Variants in SBF2 observed in about 807,000 individuals in gnomAD.
SBF2 encodes myotubularin-related protein 13.
Under a neutral mutation model 225.2 loss-of-function variants are expected in SBF2, and 112 were observed. The ratio of observed to expected loss-of-function variants is 0.50; its 90% confidence interval spans 0.43 to 0.58. The LOEUF is 0.58. SBF2 is among the 20% of genes least tolerant of loss of function. The pLI, the probability that SBF2 is intolerant of heterozygous loss-of-function variation, is 0.00. For missense variants in SBF2, 1,996 were observed against 2,206.2 expected (o/e 0.90, Z 1.91); for synonymous variants, 763 against 773.3 (o/e 0.99, Z 0.22).
rs547079627 is a variant in SBF2, at chr11:9,971,553, C to T, written c.1396-3008G>A. Among the ~76,000 whole-genome samples the T allele has an allele frequency of 2.0e-5, 3 of 152,182 alleles. No individual in the cohort carries two copies. The South Asian group carries it at 6.2e-4, about 32-fold the overall frequency. ...AATTAGCCAGGCATGGTGGTGCCTG[C>T]CCATGGTCCCAGCTACTCAGGGGAC... On this transcript the variant is annotated intron_variant, in intron 13 of 39. Transcript: ENST00000256190.
At chr11:10,178,216 G>A (rs545548195) in intron 2 of SBF2, among the ~76,000 whole-genome samples, 7 of 148,340 alleles carry the variant, frequency 4.7e-5, no homozygotes, top group South Asian at 4.3e-4. Context: ...AGACTTAAAC[G>A]TTAGACCTAA....
intron 2 of SBF2, among the ~76,000 whole-genome samples, chr11:10,103,683 T>C (rs1386084809): frequency 6.6e-6 from 1 of 152,214 alleles, no homozygotes; most frequent in East Asian, 1.9e-4. Context: ...ACTTTGAAGA[T>C]GGCAACAGTA....
intron 6 of SBF2, among the ~76,000 whole-genome samples, chr11:10,020,176 T>C (rs925954301): frequency 6.6e-6 from 1 of 152,116 alleles, no homozygotes; most frequent in African/African-American, 2.4e-5. Flanking sequence ...AAATTGGTGA[T>C]CGGCAGCTTC....
At chr11:10,002,432 T>C in intron 7 of SBF2, 125 bp downstream of exon 7, 2 of 785,250 alleles carry the variant, frequency 2.5e-6, no homozygotes, top group East Asian at 5.4e-5. Flanking sequence ...ATGACTCATA[T>C]AACAGCATAA....
chr11:9,880,549 A>G (rs1396458444), intron 17 of SBF2, among the ~76,000 whole-genome samples: 1 of 152,108 alleles, frequency 6.6e-6, no homozygotes, highest in Non-Finnish European at 1.5e-5. Context: ...TGGATCTCTA[A>G]GTACCCTCAT....
chr11:10,153,900 C>T (rs1955342343), intron 2 of SBF2, among the ~76,000 whole-genome samples: 1 of 152,000 alleles, frequency 6.6e-6, no homozygotes, highest in African/African-American at 2.4e-5. Flanking sequence ...AGTTATTCTG[C>T]ACCATTTGTT....
chr11:10,024,080 G>A (rs999523119), intron 6 of SBF2, among the ~76,000 whole-genome samples: 1 of 151,986 alleles, frequency 6.6e-6, no homozygotes, highest in Non-Finnish European at 1.5e-5. Flanking sequence ...GAATCATGCC[G>A]TATATAATTT....
intron 13 of SBF2, among the ~76,000 whole-genome samples, chr11:9,981,536 A>T (rs373307798): frequency 2.0e-5 from 3 of 152,354 alleles, no homozygotes; most frequent in African/African-American, 7.2e-5. Context: ...TTTTTTCAAG[A>T]GATATACAAC....
At chr11:10,206,383 A>T (rs1430179022) in intron 1 of SBF2, among the ~76,000 whole-genome samples, 1 of 152,080 alleles carries the variant, frequency 6.6e-6, no homozygotes, top group Non-Finnish European at 1.5e-5. Context: ...CTACAAAATT[A>T]GACTATGGTC....
At chr11:10,202,375 C>G (rs562154326) in intron 1 of SBF2, among the ~76,000 whole-genome samples, 2 of 152,142 alleles carry the variant, frequency 1.3e-5, no homozygotes, top group Non-Finnish European at 2.9e-5. Flanking sequence ...CACTTCACTC[C>G]GAGTCATGTT....
chr11:10,071,275 T>TC (rs1950861945), intron 2 of SBF2, among the ~76,000 whole-genome samples: 1 of 147,054 alleles, frequency 6.8e-6, no homozygotes, highest in Admixed American at 6.9e-5. Flanking sequence ...CTTTTTTTTT[T>TC]TTTTTTTTTG....
chr11:9,980,058 G>A (rs1021873280), intron 13 of SBF2, among the ~76,000 whole-genome samples: 3 of 150,524 alleles, frequency 2.0e-5, no homozygotes, highest in Admixed American at 2.0e-4. Context: ...TCGGCTCACT[G>A]CAACCTCTGC....
intron 1 of SBF2, among the ~76,000 whole-genome samples, chr11:10,196,866 A>ATATATATATATATATATT: frequency 1.0e-5 from 1 of 99,310 alleles, no homozygotes; most frequent in Non-Finnish European, 2.0e-5. Flanking sequence ...ATATATATAT[A>ATATATATATATATATATT]TTTTTTTTTT....
At chr11:10,093,422 A>G (rs1251921471) in intron 2 of SBF2, among the ~76,000 whole-genome samples, 1 of 151,754 alleles carries the variant, frequency 6.6e-6, no homozygotes, top group South Asian at 2.1e-4. Flanking sequence ...TCCAATCTTG[A>G]AAGAATAAGC....
chr11:10,162,852 A>G lies in SBF2; in HGVS notation c.141+31050T>C, dbSNP rs1029921946. On this transcript the variant is annotated intron_variant, in intron 2 of 39. Transcript: ENST00000256190. ...AGAATAACTAGGAACAGTTCTGTTT[A>G]TATGTGGGGCTTCCTCCAGTCTGAC... is the stretch of plus-strand genomic sequence containing the variant. Among the ~76,000 whole-genome samples, 4 of 152,182 alleles carry G rather than the reference A, an allele frequency of 2.6e-5. 1 individual carries two copies. The highest frequency in any genetic ancestry group is 7.2e-5 in the African/African-American group (3 of 41,464).
intron 13 of SBF2, among the ~76,000 whole-genome samples, chr11:9,976,008 G>A (rs1434016814): frequency 6.6e-6 from 1 of 150,866 alleles, no homozygotes; most frequent in African/African-American, 2.4e-5. Context: ...TTGGTTCAAT[G>A]CTGGGCAATG....
intron 1 of SBF2, among the ~76,000 whole-genome samples, chr11:10,271,443 G>A (rs1308312769): frequency 3.4e-5 from 4 of 116,094 alleles, no homozygotes; most frequent in African/African-American, 1.1e-4. Context: ...CTTTTCCAAA[G>A]AAGTTTGCTA....
intron 2 of SBF2, among the ~76,000 whole-genome samples, chr11:10,124,831 G>A (rs1257199931): frequency 6.6e-6 from 1 of 152,094 alleles, no homozygotes; most frequent in Admixed American, 6.5e-5. Flanking sequence ...CTGGCTGGGC[G>A]TGGTGGTTCA....
At position 10,173,449 on chromosome 11, in the gene SBF2, C is replaced by A. The variant is rs574771162; in HGVS notation, c.141+20453G>T. ...CTCCCACCCGAATACTGCGCTTTTC[C>A]GACAGGCTTAAAAAACGCCGCACCA... On this transcript the variant is annotated intron_variant, in intron 2 of 39. Transcript: ENST00000256190. 6.2e-4 allele frequency among the ~76,000 whole-genome samples: 94 copies of A among 152,340 alleles called. No homozygotes were observed. In the South Asian group the frequency reaches 9.5e-3, roughly 15 times the overall value.
Sources: allele counts gnomAD v4.1 joint callset (sites outside exome capture counted in the v4.1 genomes callset), GRCh38; gene constraint gnomAD v4.1.1; transcripts MANE v1.5; gene names NCBI Gene and HGNC (gene_info 2026-07-23, HGNC 2026-07-21).